Variants in ARID5B observed in about 807,000 individuals in gnomAD.
ARID5B encodes AT-rich interactive domain-containing protein 5B.
ARID5B carries 13 observed loss-of-function variants against 97.2 expected under a neutral mutation model. The observed-to-expected ratio is 0.13, with a 90% CI of 0.09 to 0.21. The LOEUF (loss-of-function observed/expected upper bound fraction) is 0.21, where lower values mean the gene tolerates loss of function less well. Ranked by LOEUF, ARID5B falls within the 10% of genes least tolerant of loss-of-function variation. The pLI is 1.00. For synonymous variants in ARID5B, 556 were observed against 570.3 expected, an observed-to-expected ratio of 0.97 and a Z score of 0.36; for missense variants, 1,210 against 1,465.3, an observed-to-expected ratio of 0.83 and a Z score of 2.84.
At chr10:61,901,923 T>A (rs943607970) in intron 1 of ARID5B, among the ~76,000 whole-genome samples, 193 bp downstream of exon 1, 9 of 151,980 alleles carry the variant, frequency 5.9e-5, no homozygotes, top group Non-Finnish European at 1.0e-4. Flanking sequence ...TAATGTAATT[T>A]TACCGCCTCA....
intron 8 of ARID5B, among the ~76,000 whole-genome samples, chr10:62,078,792 A>G (rs1321958319): frequency 6.6e-6 from 1 of 152,192 alleles, no homozygotes; most frequent in East Asian, 1.9e-4. Flanking sequence ...GAAAGCCCCA[A>G]AGGAGCTTTA....
intron 4 of ARID5B, among the ~76,000 whole-genome samples, chr10:62,023,810 G>T (rs1044442240): frequency 6.6e-6 from 1 of 152,230 alleles, no homozygotes; most frequent in African/African-American, 2.4e-5. Context: ...AATAGTGACT[G>T]TTCTGCCCTG....
intron 7 of ARID5B, among the ~76,000 whole-genome samples, chr10:62,062,847 G>A (rs946311024): frequency 1.3e-5 from 2 of 149,272 alleles, no homozygotes; most frequent in Non-Finnish European, 3.0e-5. Context: ...TTTTACAAGC[G>A]AGAAAACTGA....
intron 9 of ARID5B, among the ~76,000 whole-genome samples, chr10:62,086,423 C>T (rs1840280969): frequency 6.6e-6 from 1 of 152,088 alleles, no homozygotes. Flanking sequence ...GACCCAGTCT[C>T]TACAAACAAA....
chr10:62,028,718 T>C (rs1839454407), intron 4 of ARID5B, among the ~76,000 whole-genome samples: 2 of 152,198 alleles, frequency 1.3e-5, no homozygotes, highest in African/African-American at 2.4e-5. Flanking sequence ...CCTAGCACTT[T>C]GGGAGGACGA....
chr10:62,055,743 G>A (rs1034939290), intron 5 of ARID5B, among the ~76,000 whole-genome samples: 7 of 152,178 alleles, frequency 4.6e-5, no homozygotes, highest in African/African-American at 1.7e-4. Context: ...TTTTATCTTT[G>A]CAGGACCAGT....
chr10:61,961,164 A>G (rs2132821907), intron 3 of ARID5B, among the ~76,000 whole-genome samples: 1 of 152,328 alleles, frequency 6.6e-6, no homozygotes, highest in East Asian at 1.9e-4. Flanking sequence ...TTTATTATTT[A>G]CTTAATTTTT....
At chr10:61,970,563 C>T (rs911929971) in intron 3 of ARID5B, among the ~76,000 whole-genome samples, 4 of 152,154 alleles carry the variant, frequency 2.6e-5, no homozygotes, top group Non-Finnish European at 5.9e-5. Flanking sequence ...ATCCCATTAG[C>T]GAAGGCCCTG....
intron 2 of ARID5B, among the ~76,000 whole-genome samples, chr10:61,902,763 T>A (rs1843639787): frequency 6.6e-6 from 1 of 152,114 alleles, no homozygotes; most frequent in African/African-American, 2.4e-5. Context: ...ACATGCTTTT[T>A]ATATTTTTTG....
intron 3 of ARID5B, among the ~76,000 whole-genome samples, chr10:61,977,666 G>T (rs1258217169): frequency 3.9e-5 from 6 of 152,202 alleles, no homozygotes; most frequent in Non-Finnish European, 8.8e-5. Flanking sequence ...CTTTTGAGAA[G>T]TGTCTGTTCA....
At chr10:62,082,241 C>T (rs753851373) in intron 8 of ARID5B, among the ~76,000 whole-genome samples, 3 of 152,090 alleles carry the variant, frequency 2.0e-5, no homozygotes, top group Non-Finnish European at 2.9e-5. Flanking sequence ...ATCCATTAAT[C>T]GCATCGTAAA....
At chr10:62,076,561 C>CAAAAAAAAAAAAAAAA (rs11363274) in intron 8 of ARID5B, among the ~76,000 whole-genome samples, 29 of 92,636 alleles carry the variant, frequency 3.1e-4, no homozygotes, top group South Asian at 8.5e-4. Flanking sequence ...GACTCTGTCT[C>CAAAAAAAAAAAAAAAA]AAAAAAAAAA....
intron 5 of ARID5B, among the ~76,000 whole-genome samples, chr10:62,052,091 T>G (rs1381149118): frequency 1.3e-5 from 2 of 152,244 alleles, no homozygotes; most frequent in African/African-American, 4.8e-5. Flanking sequence ...CTTTTTTGCT[T>G]AGAATTTCTT....
intron 4 of ARID5B, among the ~76,000 whole-genome samples, chr10:62,044,598 C>G (rs1437993719): frequency 6.6e-6 from 1 of 152,076 alleles, no homozygotes; most frequent in African/African-American, 2.4e-5. Context: ...GTCTCAAGTT[C>G]CCGGTCAAGC....
chr10:62,050,893 A>G lies in ARID5B; in HGVS notation c.739A>G (p.Asn247Asp), dbSNP rs753041204. ...NESICDEFAP[N>D]LKGRPRKKKP... ...TGTTTTCCATTTGTTTTCAGCGCCA[A>G]ATCTTAAAGGCAGACCACGCAAAAA... The change falls in exon 5 of 10, where the codon AAT becomes GAT. Residue 247 changes from asparagine to aspartate, a missense_variant. By Grantham distance (23) the Asn-to-Asp change is conservative. This residue lies in a region of ARID5B where 132 missense variants were observed against 156.7 expected (regional missense o/e 0.84). Coordinates refer to ENST00000279873, the MANE Select transcript of ARID5B (RefSeq NM_032199.3). 6.2e-7 allele frequency: 1 copy of G among 1,613,420 alleles called. No individual in the cohort carries two copies. Among genetic ancestry groups the G allele is most frequent in the South Asian group, 1.1e-5 (1 of 90,896 alleles).
intron 7 of ARID5B, among the ~76,000 whole-genome samples, chr10:62,062,970 A>G (rs1220502513): frequency 6.6e-6 from 1 of 152,072 alleles, no homozygotes; most frequent in Non-Finnish European, 1.5e-5. Context: ...GCTGAAAGAG[A>G]TTTATAAATG....
intron 3 of ARID5B, among the ~76,000 whole-genome samples, chr10:61,979,720 T>C (rs1053365183): frequency 1.3e-5 from 2 of 152,146 alleles, no homozygotes; most frequent in Non-Finnish European, 2.9e-5. Context: ...TTAGGGCCCA[T>C]AGTACTTTTA....
chr10:61,970,972 A>AGTGTGTGT (rs55961997), intron 3 of ARID5B, among the ~76,000 whole-genome samples: 4,896 of 150,274 alleles, frequency 0.033, 115 homozygotes, highest in Non-Finnish European at 0.046. Context: ...TTGCTTTTAA[A>AGTGTGTGT]GTGTGTGTGT....
Position 62,092,704 on chromosome 10 carries a change from C to T in ARID5B, c.3241C>T (p.Leu1081=). 6.2e-7 allele frequency: 1 copy of T among 1,614,112 alleles called. No individual in the cohort carries two copies. The highest frequency in any genetic ancestry group is 8.5e-7 in the Non-Finnish European group (1 of 1,180,012). Residue 1081 remains leucine (L), a synonymous_variant, in exon 10 of 10, where the codon CTG becomes TTG. Coordinates refer to ENST00000279873, the MANE Select transcript of ARID5B (RefSeq NM_032199.3). ...LPLSSPIFPG[L]YSGSLCNSGL... ...CCTCTCCTCCCCTATCTTCCCAGGT[C>T]TGTATTCCGGGAGCCTGTGTAACTC...
Sources: allele counts gnomAD v4.1 joint callset (sites outside exome capture counted in the v4.1 genomes callset), GRCh38; gene constraint gnomAD v4.1.1; regional missense constraint gnomAD v4.1.1; transcripts MANE v1.5; gene names NCBI Gene and HGNC (gene_info 2026-07-23, HGNC 2026-07-21).